Variants in CMC2 observed in about 807,000 individuals in gnomAD.
CMC2 encodes the protein COX assembly mitochondrial protein 2 homolog.
CMC2 carries 5 observed loss-of-function variants against 7.5 expected under a neutral mutation model. That is an observed-to-expected ratio of 0.66 (90% CI 0.35 to 1.40). The LOEUF (loss-of-function observed/expected upper bound fraction) is 1.40. Among genes scored for constraint, CMC2 ranks in the 40% most tolerant of loss-of-function variants. CMC2 has a pLI of 0.04. For missense variants in CMC2, 115 were observed against 92.3 expected (o/e 1.25, Z -1.01); for synonymous variants, 37 against 31.4 (o/e 1.18, Z -0.60).
chr16:81,002,835 T>C (rs1455238243), intron 1 of CMC2, among the ~76,000 whole-genome samples: 1 of 152,236 alleles, frequency 6.6e-6, no homozygotes, highest in Non-Finnish European at 1.5e-5. Flanking sequence ...AAGGCCCTTC[T>C]ACTTTCTTAG....
chr16:80,973,471 T>C lies in CMC2; in HGVS notation c.*2622A>G, dbSNP rs1440132190. 3 of 152,192 alleles carry C rather than the reference T, an allele frequency of 2.0e-5. No homozygotes were observed. The highest frequency in any genetic ancestry group is 2.9e-5 in the Non-Finnish European group (2 of 68,026). The allele number at this position is 152,192 out of a possible 1,614,324, so 9.4% of individuals were successfully genotyped here. On this transcript the variant is annotated 3_prime_UTR_variant, in exon 4 of 4. Coordinates refer to ENST00000219400, the MANE Select transcript of CMC2 (RefSeq NM_020188.5). ...TCAACCAATCCTCACAATAACTCTATGTGACAGGTACTGTCACTGGGTTGA... is the reference window on the plus strand; with the variant it reads ...TCAACCAATCCTCACAATAACTCTACGTGACAGGTACTGTCACTGGGTTGA...
intron 1 of CMC2, among the ~76,000 whole-genome samples, chr16:81,000,650 T>C (rs1270732151): frequency 6.6e-6 from 1 of 152,068 alleles, no homozygotes; most frequent in African/African-American, 2.4e-5. Context: ...CAATGAGATA[T>C]CACCTCACAT....
In CMC2 at chr16:80,976,050, C is replaced by CT; in HGVS notation, c.*42dup. On this transcript the variant is annotated 3_prime_UTR_variant, in exon 4 of 4. Coordinates refer to ENST00000219400, the MANE Select transcript of CMC2 (RefSeq NM_020188.5). ...ATTCTTTCAGGTATCAACCCAGAGT[C>CT]TTTAGGTCTTCTCTCAGCCAAGGCA... 1 of 1,109,598 alleles carries CT rather than the reference C, an allele frequency of 9.0e-7. No individual in the cohort carries two copies. Among genetic ancestry groups the CT allele is most frequent in the South Asian group, 1.2e-5 (1 of 80,362 alleles). The allele number at this position is 1,109,598 out of a possible 1,614,324, so 68.7% of individuals were successfully genotyped here. A position where few individuals can be genotyped will look rare whatever the true frequency, so the allele number is the denominator to read the frequency against.
At chr16:80,997,078 T>C (rs1032473740) in intron 2 of CMC2, 4 of 561,884 alleles carry the variant, frequency 7.1e-6, no homozygotes, top group Admixed American at 5.7e-5. Context: ...AACTGTTACA[T>C]ACCAGTTCAG....
intron 1 of CMC2, chr16:81,006,454 A>C (rs1349091537): frequency 1.3e-5 from 2 of 153,414 alleles, no homozygotes; most frequent in East Asian, 3.9e-4. Flanking sequence ...AGCGCGCCCA[A>C]GGTCACCAGC....
chr16:80,999,368 G>C lies in CMC2; in HGVS notation c.-35-1939C>G, dbSNP rs145151945. ...AATACATCCAACCAAGGAGGTAAAA[G>C]ATCTCTACAGGAAGAACTACAAAAC... On this transcript the variant is annotated intron_variant, in intron 1 of 3. Coordinates refer to ENST00000219400, the MANE Select transcript of CMC2 (RefSeq NM_020188.5). Among the ~76,000 whole-genome samples the C allele has an allele frequency of 2.1e-3, 326 of 152,264 alleles. 1 individual carries two copies. The highest frequency in any genetic ancestry group is 7.6e-3 in the African/African-American group (316 of 41,548).
chr16:81,004,174 A>T (rs1969067238), intron 1 of CMC2, among the ~76,000 whole-genome samples: 1 of 152,194 alleles, frequency 6.6e-6, no homozygotes, highest in Non-Finnish European at 1.5e-5. Context: ...GTGAGCTGAG[A>T]TGGCACCACC....
At chr16:80,998,168 T>A (rs1393204829) in intron 1 of CMC2, 2 of 151,300 alleles carry the variant, frequency 1.3e-5, no homozygotes, top group African/African-American at 4.9e-5. Context: ...TTCAAACTCC[T>A]GTCCTCAAGT....
intron 3 of CMC2, among the ~76,000 whole-genome samples, chr16:80,976,381 T>A (rs1912351670): frequency 6.6e-6 from 1 of 152,208 alleles, no homozygotes; most frequent in African/African-American, 2.4e-5. Flanking sequence ...CCTTAGAGAG[T>A]ATCTCATATC....
chr16:81,000,688 C>CA (rs917041387), intron 1 of CMC2, among the ~76,000 whole-genome samples: 1 of 151,916 alleles, frequency 6.6e-6, no homozygotes. Flanking sequence ...ACTAAAAAGT[C>CA]AAAAAAACAC....
At position 80,976,054 on chromosome 16, in the gene CMC2, A is replaced by G. The variant is rs1487473865; in HGVS notation, c.*39T>C. 1 of 1,143,602 alleles carries G rather than the reference A, an allele frequency of 8.7e-7. No individual in the cohort carries two copies. The highest frequency in any genetic ancestry group is 1.2e-5 in the South Asian group (1 of 81,186). The allele number at this position is 1,143,602 out of a possible 1,614,324, so 70.8% of individuals were successfully genotyped here. On this transcript the variant is annotated 3_prime_UTR_variant, in exon 4 of 4. Transcript: ENST00000219400. ...TTTCAGGTATCAACCCAGAGTCTTTAGGTCTTCTCTCAGCCAAGGCATCGA... is the reference window on the plus strand; with the variant it reads ...TTTCAGGTATCAACCCAGAGTCTTTGGGTCTTCTCTCAGCCAAGGCATCGA...
At chr16:80,976,508 C>T (rs117238676) in intron 3 of CMC2, among the ~76,000 whole-genome samples, 2,862 of 152,318 alleles carry the variant, frequency 0.019, 38 homozygotes, top group Non-Finnish European at 0.026. Context: ...TGGGCAAATT[C>T]TGTCCATGTT....
At chr16:80,977,135 C>T (rs1912483582) in intron 3 of CMC2, among the ~76,000 whole-genome samples, 1 of 152,140 alleles carries the variant, frequency 6.6e-6, no homozygotes, top group Non-Finnish European at 1.5e-5. Context: ...GCTCAACTTC[C>T]CAAGGTTTCT....
rs537268311 is a variant in CMC2, at chr16:80,989,991, T to A, written c.81+7323A>T. On this transcript the variant is annotated intron_variant, in intron 2 of 3. Coordinates refer to ENST00000219400, the MANE Select transcript of CMC2 (RefSeq NM_020188.5). ...CGTTCAAATTACTTGGGTTAGTTCA[T>A]TTTTTTCTTTAGTGTAATTAGATGA... 3.0e-4 allele frequency among the ~76,000 whole-genome samples: 45 copies of A among 152,234 alleles called. 3 individuals are homozygous for A. In the South Asian group the frequency reaches 8.9e-3, roughly 30 times the overall value.
chr16:80,979,789 T>A (rs34586837), intron 3 of CMC2, among the ~76,000 whole-genome samples: 2,678 of 150,792 alleles, frequency 0.018, 49 homozygotes, highest in East Asian at 0.054. Flanking sequence ...CCTGGCTAAT[T>A]TTTTTGTACT....
intron 2 of CMC2, among the ~76,000 whole-genome samples, chr16:80,993,541 C>T (rs1290347694): frequency 6.6e-6 from 1 of 152,186 alleles, no homozygotes; most frequent in Non-Finnish European, 1.5e-5. Context: ...GCCATAGTCA[C>T]TACGAAGAAC....
chr16:80,984,657 G>C (rs1418412409), intron 2 of CMC2, among the ~76,000 whole-genome samples: 1 of 151,972 alleles, frequency 6.6e-6, no homozygotes, highest in Middle Eastern at 3.4e-3. Flanking sequence ...CTACTTCCTT[G>C]ACAACAAATA....
chr16:80,984,602 A>G (rs1270126300), intron 2 of CMC2, among the ~76,000 whole-genome samples: 2 of 152,152 alleles, frequency 1.3e-5, no homozygotes, highest in Non-Finnish European at 1.5e-5. Context: ...TCTTTCCTCT[A>G]TCATTCCCAA....
Position 81,006,774 on chromosome 16 carries a change from C to A in CMC2, c.-76G>T. ...ACCGGGAGAACTGAAGCGGCAGTAGCCGGCGGAGACGCCCGACCCGAAGGC... is the reference window on the plus strand; with the variant it reads ...ACCGGGAGAACTGAAGCGGCAGTAGACGGCGGAGACGCCCGACCCGAAGGC... On this transcript the variant is annotated 5_prime_UTR_variant, in exon 1 of 4. Coordinates refer to ENST00000219400, the MANE Select transcript of CMC2 (RefSeq NM_020188.5). The A allele has an allele frequency of 1.0e-6, 1 of 985,702 alleles. No homozygotes were observed. The highest frequency in any genetic ancestry group is 1.2e-6 in the Non-Finnish European group (1 of 830,156). The allele number at this position is 985,702 out of a possible 1,614,324, so 61.1% of individuals were successfully genotyped here.
Sources: gnomAD v4.1 joint callset for allele counts (sites outside exome capture counted in the v4.1 genomes callset) on GRCh38, gnomAD v4.1.1 for gene constraint, MANE v1.5 for transcripts, NCBI Gene and HGNC (gene_info 2026-07-23, HGNC 2026-07-21) for gene names.